The following NCAPG2 variants were observed in gnomAD, a reference collection of about 807,000 sequenced individuals.
NCAPG2 encodes non-SMC condensin II complex subunit G2.
In NCAPG2, 53 loss-of-function variants were observed where a neutral mutation model predicts 141.1. That is an observed-to-expected ratio of 0.38 (90% CI 0.30 to 0.47). The LOEUF is 0.47. NCAPG2 is among the 20% of genes least tolerant of loss of function. NCAPG2 has a pLI of 0.99. For synonymous variants in NCAPG2, 499 were observed against 490.7 expected (o/e 1.02, Z -0.22); for missense variants, 1,087 against 1,389.0 (o/e 0.78, Z 3.46).
chr7:158,654,877 CAT>C, intron 21 of NCAPG2, 183 bp from the exon 22 acceptor site: 1 of 1,247,474 alleles, frequency 8.0e-7, no homozygotes, highest in South Asian at 1.8e-5. Context: ...AATCTAGAGA[CAT>C]ATTTTATGTA....
intron 27 of NCAPG2, among the ~76,000 whole-genome samples, chr7:158,636,199 A>G (rs1435883849): frequency 6.6e-6 from 1 of 152,100 alleles, no homozygotes; most frequent in South Asian, 2.1e-4. Context: ...CCTTTTCCAC[A>G]TTGTAAGTTC....
chr7:158,660,896 T>C (rs10233307), intron 16 of NCAPG2, among the ~76,000 whole-genome samples: 47,366 of 152,008 alleles, frequency 0.31, 7,606 homozygotes, highest in East Asian at 0.4. Context: ...CGAGATCTGA[T>C]GGTTCTCTAA....
At chr7:158,679,861 TGGC>T in intron 11 of NCAPG2, 96 bp downstream of exon 11, 1 of 1,443,534 alleles carries the variant, frequency 6.9e-7, no homozygotes, top group East Asian at 2.3e-5. Context: ...AGCAGAGCTC[TGGC>T]GGTTACAGGG....
Position 158,632,526 on chromosome 7 carries a change from G to A in NCAPG2, c.3381-809C>T, listed in dbSNP as rs78312486. On this transcript the variant is annotated intron_variant, in intron 27 of 27. Transcript: ENST00000356309. Reference sequence around the variant, plus strand: ...AAAAGCTCATCTCTGAATTCCTCCTGGACACAAATATCTACCTTTCACTCC... The same window carrying A: ...AAAAGCTCATCTCTGAATTCCTCCTAGACACAAATATCTACCTTTCACTCC... Among the ~76,000 whole-genome samples the A allele has an allele frequency of 2.6e-5, 4 of 152,148 alleles. No homozygotes were observed. In the East Asian group the frequency reaches 7.7e-4, roughly 29 times the overall value.
At chr7:158,640,602 C>T (rs1168008141) in intron 27 of NCAPG2, 1 of 152,046 alleles carries the variant, frequency 6.6e-6, no homozygotes, top group Non-Finnish European at 1.5e-5. Flanking sequence ...TTATAAACTA[C>T]ATAACATTAT....
chr7:158,632,120 C>T (rs1209793216), intron 27 of NCAPG2, among the ~76,000 whole-genome samples: 1 of 152,176 alleles, frequency 6.6e-6, no homozygotes, highest in Non-Finnish European at 1.5e-5. Context: ...ACTCTACTAC[C>T]ATGACATTTA....
At chr7:158,654,822 T>C in intron 21 of NCAPG2, 128 bp from the exon 22 acceptor site, 1 of 1,409,910 alleles carries the variant, frequency 7.1e-7, no homozygotes, top group Admixed American at 3.2e-5. Flanking sequence ...AGATGTTTTA[T>C]AAAGGAATTT....
chr7:158,659,025 TAAAAAAAAAAAAA>T (rs55893307), intron 16 of NCAPG2, among the ~76,000 whole-genome samples: 1 of 97,740 alleles, frequency 1.0e-5, no homozygotes, highest in Non-Finnish European at 2.0e-5. Flanking sequence ...GCATTATATT[TAAAAAAAAAAAAA>T]AAAAAAAAAG....
At chr7:158,636,400 T>G (rs1175877252) in intron 27 of NCAPG2, among the ~76,000 whole-genome samples, 2 of 147,606 alleles carry the variant, frequency 1.4e-5, no homozygotes, top group African/African-American at 5.0e-5. Flanking sequence ...ATTTCTTTTT[T>G]TCTTTTTTTT....
At chr7:158,659,435 G>A (rs1832304342) in intron 16 of NCAPG2, among the ~76,000 whole-genome samples, 1 of 133,320 alleles carries the variant, frequency 7.5e-6, no homozygotes, top group Non-Finnish European at 1.8e-5. Flanking sequence ...TAGCACAGAG[G>A]AGAGGAGTTA....
At position 158,655,144 on chromosome 7, in the gene NCAPG2, T is replaced by A; in HGVS notation, c.2620A>T (p.Arg874Trp). The change falls in exon 21 of 28, where the codon AGG (arginine) becomes TGG (tryptophan). Residue 874 changes from arginine to tryptophan, a missense_variant. Physicochemically the swap from Arg to Trp is moderately radical, Grantham distance 101. Coordinates refer to ENST00000356309, the MANE Select transcript of NCAPG2 (RefSeq NM_017760.7). ...DQEEDYLKLH[R>W]VIYQQIIQTY... ...TGGATAATTTGCTGATAAATGACCC[T>A]ATGAAGCTTCAGGTAGTCTTCTTCT... The A allele has an allele frequency of 6.2e-7, 1 of 1,613,566 alleles. No individual in the cohort carries two copies.
intron 2 of NCAPG2, chr7:158,696,048 G>A (rs1401306314): frequency 6.6e-6 from 1 of 152,282 alleles, no homozygotes; most frequent in Non-Finnish European, 1.5e-5. Context: ...ATGAAGCAGG[G>A]GAAGTCTTGT....
chr7:158,697,573 C>G (rs1000588551), intron 2 of NCAPG2, among the ~76,000 whole-genome samples: 2 of 151,024 alleles, frequency 1.3e-5, no homozygotes, highest in Non-Finnish European at 2.9e-5. Context: ...TGCACTCCAG[C>G]CTGAGCAACA....
chr7:158,695,668 C>T (rs1835398062), intron 2 of NCAPG2, among the ~76,000 whole-genome samples: 1 of 152,250 alleles, frequency 6.6e-6, no homozygotes, highest in South Asian at 2.1e-4. Context: ...TCTACCTCTC[C>T]CCAGCATGGC....
intron 8 of NCAPG2, among the ~76,000 whole-genome samples, chr7:158,685,448 C>A (rs1834698695): frequency 6.6e-6 from 1 of 152,170 alleles, no homozygotes. Flanking sequence ...CCCTTGGTAT[C>A]CATGGGGGAT....
At chr7:158,688,151 G>A (rs1301648961) in intron 6 of NCAPG2, among the ~76,000 whole-genome samples, 1 of 148,142 alleles carries the variant, frequency 6.8e-6, no homozygotes, top group Non-Finnish European at 1.5e-5. Flanking sequence ...TCAAATGCAG[G>A]GTAACCATGC....
At chr7:158,673,669 A>G (rs1490496351) in intron 12 of NCAPG2, among the ~76,000 whole-genome samples, 2 of 152,182 alleles carry the variant, frequency 1.3e-5, no homozygotes, top group African/African-American at 2.4e-5. Flanking sequence ...AGAGCTCTCA[A>G]AGAAGACGCT....
chr7:158,670,313 C>T (rs1022271892), intron 13 of NCAPG2, among the ~76,000 whole-genome samples: 1 of 152,210 alleles, frequency 6.6e-6, no homozygotes, highest in African/African-American at 2.4e-5. Flanking sequence ...CACCTGTAAT[C>T]CCAGCACTTT....
rs528255839 is a variant in NCAPG2 at position 158,643,431 on chromosome 7, G to A, written c.3380+858C>T. Among the ~76,000 whole-genome samples the A allele has an allele frequency of 1.6e-4, 25 of 152,282 alleles. No homozygotes were observed. In the East Asian group the frequency reaches 4.6e-3, roughly 28 times the overall value. ...GGGGTTTTACCATGTTGGCCAGGCT[G>A]GTCTCAAACTCCTGGATTACAGGCA... On this transcript the variant is annotated intron_variant, in intron 27 of 27. Coordinates refer to ENST00000356309, the MANE Select transcript of NCAPG2 (RefSeq NM_017760.7).
Sources: gnomAD v4.1 joint callset for allele counts (sites outside exome capture counted in the v4.1 genomes callset) on GRCh38, gnomAD v4.1.1 for gene constraint, MANE v1.5 for transcripts, NCBI Gene and HGNC (gene_info 2026-07-23, HGNC 2026-07-21) for gene names.